The following DCPS variants were observed in gnomAD, a reference collection of about 807,000 sequenced individuals.
DCPS encodes m7GpppX diphosphatase.
In DCPS, 27 loss-of-function variants were observed where a neutral mutation model predicts 34.7. The observed-to-expected ratio is 0.78, with a 90% CI of 0.57 to 1.07. The LOEUF (loss-of-function observed/expected upper bound fraction) is 1.07. Ranked by LOEUF, DCPS falls within the 50% of genes least tolerant of loss-of-function variation. The probability of loss-of-function intolerance (pLI) is 0.00; values close to 1 mark genes in which losing one functional copy is unlikely to be tolerated. For synonymous variants in DCPS, 185 were observed against 185.7 expected (o/e 1.00, Z 0.03); for missense variants, 464 against 436.9 (o/e 1.06, Z -0.55).
Position 126,312,260 on chromosome 11 carries a change from A to G in DCPS, c.376+5516A>G, listed in dbSNP as rs1188627337. ...GTGAAACTTTAAACAATGCTTACCC[A>G]TCCGCTATGGCATACTCTGTAGTAT... is the stretch of plus-strand genomic sequence containing the variant. On this transcript the variant is annotated intron_variant, in intron 2 of 5. Coordinates refer to ENST00000263579, the MANE Select transcript of DCPS (RefSeq NM_014026.6). This position sits in a 1 kb window ranked among gnomAD's most constrained non-coding sequence, Gnocchi z 5.1. Among the ~76,000 whole-genome samples, 1 of 152,018 alleles carries G rather than the reference A, an allele frequency of 6.6e-6. No individual in the cohort carries two copies. Among genetic ancestry groups the G allele is most frequent in the Non-Finnish European group, 1.5e-5 (1 of 68,012 alleles).
In DCPS at chr11:126,331,234, G is replaced by A. The variant is rs1207474024; in HGVS notation, c.377-171G>A. 9.2e-5 allele frequency among the ~76,000 whole-genome samples: 14 copies of A among 152,170 alleles called. No individual in the cohort carries two copies. The highest frequency in any genetic ancestry group is 1.9e-4 in the Non-Finnish European group (13 of 68,024). On this transcript the variant is annotated intron_variant, in intron 2 of 5. Coordinates refer to ENST00000263579, the MANE Select transcript of DCPS (RefSeq NM_014026.6). The surrounding 1 kb of genome is among the most constrained non-coding windows in gnomAD (Gnocchi z 7.2). ...TCTGAGTGTGGCTCAGCTCGTGAAT[G>A]CAGTGGCACAAGGCACTCTGTGGGA...
chr11:126,339,547 T>C (rs990316031), intron 4 of DCPS, among the ~76,000 whole-genome samples: 3 of 152,234 alleles, frequency 2.0e-5, no homozygotes, highest in African/African-American at 7.2e-5. Flanking sequence ...TTCCCAAATG[T>C]GACCCAAGGG....
At chr11:126,304,807 T>C (rs1239900669) in intron 1 of DCPS, among the ~76,000 whole-genome samples, 2 of 152,198 alleles carry the variant, frequency 1.3e-5, no homozygotes, top group African/African-American at 2.4e-5. Flanking sequence ...AAAGTTACCA[T>C]CCCTGATCTT....
chr11:126,339,159 C>T (rs1951857889), intron 4 of DCPS, among the ~76,000 whole-genome samples: 1 of 152,230 alleles, frequency 6.6e-6, no homozygotes, highest in African/African-American at 2.4e-5. Context: ...CAGACTGGAA[C>T]CTGGCTGTGC....
rs1455706179 is a variant in DCPS, at chr11:126,315,555, G to C, written c.376+8811G>C. ...AACCTGGGTGGCAGAGCAAAACCCT[G>C]TCTCTTAAAAAAAAATAAAAAGAGA... On this transcript the variant is annotated intron_variant, in intron 2 of 5. Coordinates refer to ENST00000263579, the MANE Select transcript of DCPS (RefSeq NM_014026.6). This position sits in a 1 kb window ranked among gnomAD's most constrained non-coding sequence, Gnocchi z 6.1. Among the ~76,000 whole-genome samples the C allele has an allele frequency of 2.0e-5, 3 of 151,708 alleles. No homozygotes were observed. The highest frequency in any genetic ancestry group is 4.4e-5 in the Non-Finnish European group (3 of 67,962).
chr11:126,331,445 C>A lies in DCPS; in HGVS notation c.417C>A (p.His139Gln), dbSNP rs1202226122. 1.2e-6 allele frequency: 2 copies of A among 1,614,156 alleles called. No individual in the cohort carries two copies. The highest frequency in any genetic ancestry group is 1.7e-5 in the Admixed American group (1 of 60,012). The part of the protein sequence containing the change: ...TTVVYPATEK[H>Q]LQKYLRQDLR... ...TGGTTTACCCTGCCACAGAGAAACA[C>A]CTGCAGAAGTACCTGCGCCAGGACC... is the stretch of plus-strand genomic sequence containing the variant. Residue 139 changes from histidine (H) to glutamine (Q), a missense_variant, in exon 3 of 6, where the codon CAC becomes CAA. Coordinates refer to ENST00000263579, the MANE Select transcript of DCPS (RefSeq NM_014026.6). This position sits in a 1 kb window ranked among gnomAD's most constrained non-coding sequence, Gnocchi z 7.2.
intron 1 of DCPS, among the ~76,000 whole-genome samples, 185 bp from the exon 2 acceptor site, chr11:126,306,385 A>T (rs1951565832): frequency 6.6e-6 from 1 of 151,920 alleles, no homozygotes; most frequent in Non-Finnish European, 1.5e-5. Flanking sequence ...AAAAAAAAAG[A>T]TGCCTTCTCT....
In DCPS at chr11:126,329,280, A is replaced by G. The variant is rs1210595630; in HGVS notation, c.377-2125A>G. On this transcript the variant is annotated intron_variant, in intron 2 of 5. Transcript: ENST00000263579. The surrounding 1 kb of genome is among the most constrained non-coding windows in gnomAD (Gnocchi z 5.0). ...GCCTTCATGCCCCTTTTTCAGGGTCAGATCCGGGGATTCCCAGGATTGGGT... is the reference window on the plus strand; with the variant it reads ...GCCTTCATGCCCCTTTTTCAGGGTCGGATCCGGGGATTCCCAGGATTGGGT... Among the ~76,000 whole-genome samples the G allele has an allele frequency of 6.6e-6, 1 of 152,250 alleles. No individual in the cohort carries two copies. The highest frequency in any genetic ancestry group is 1.5e-5 in the Non-Finnish European group (1 of 68,046).
chr11:126,311,886 G>A (rs1189892811), intron 2 of DCPS, among the ~76,000 whole-genome samples: 1 of 152,194 alleles, frequency 6.6e-6, no homozygotes, highest in South Asian at 2.1e-4. Flanking sequence ...ATTACACATG[G>A]ACTAATAGAC....
Position 126,319,464 on chromosome 11 carries a change from G to C in DCPS, c.377-11941G>C, listed in dbSNP as rs904165668. On this transcript the variant is annotated intron_variant, in intron 2 of 5. Coordinates refer to ENST00000263579, the MANE Select transcript of DCPS (RefSeq NM_014026.6). This position sits in a 1 kb window ranked among gnomAD's most constrained non-coding sequence, Gnocchi z 4.5. ...GCAGCATTTGGCCACAGTATCCCCT[G>C]GTAAGGCTGTCCTCACACGGCTCTC... 2.6e-5 allele frequency among the ~76,000 whole-genome samples: 4 copies of C among 152,108 alleles called. No homozygotes were observed. The highest frequency in any genetic ancestry group is 9.7e-5 in the African/African-American group (4 of 41,426).
Position 126,347,714 on chromosome 11 carries a change from G to C in DCPS, c.*2101G>C, listed in dbSNP as rs1951949560. 6.6e-6 allele frequency among the ~76,000 whole-genome samples: 1 copy of C among 152,222 alleles called. No individual in the cohort carries two copies. The highest frequency in any genetic ancestry group is 2.4e-5 in the African/African-American group (1 of 41,466). ...TGGGCAGTGACACTGGCAGCTGCTG[G>C]GGTCTTGGCAGGAGGTTGGATGGAG... is the stretch of plus-strand genomic sequence containing the variant. On this transcript the variant is annotated 3_prime_UTR_variant, in exon 6 of 6. Transcript: ENST00000263579. The surrounding 1 kb of genome is among the most constrained non-coding windows in gnomAD (Gnocchi z 4.2).
chr11:126,330,717 ATATTTTTTTTTTTTT>A (rs1433473621), intron 2 of DCPS, among the ~76,000 whole-genome samples: 1 of 17,398 alleles, frequency 5.7e-5, no homozygotes, highest in Non-Finnish European at 9.3e-5. Flanking sequence ...ATATATATAT[ATATTTTTTTTTTTTT>A]TTTTTTTTTT....
At position 126,347,623 on chromosome 11, in the gene DCPS, G is replaced by T. The variant is rs572719758; in HGVS notation, c.*2010G>T. Among the ~76,000 whole-genome samples, 4 of 152,352 alleles carry T rather than the reference G, an allele frequency of 2.6e-5. No individual in the cohort carries two copies. In the East Asian group the frequency reaches 7.7e-4, roughly 29 times the overall value. On this transcript the variant is annotated 3_prime_UTR_variant, in exon 6 of 6. Transcript: ENST00000263579. The surrounding 1 kb of genome is among the most constrained non-coding windows in gnomAD (Gnocchi z 4.2). ...TGCAGGGAGGTCTGACAGAGAATCA[G>T]CAGGATCCATTTCATGGCCACCACA... is the stretch of plus-strand genomic sequence containing the variant.
chr11:126,321,433 A>G (rs1004584613), intron 2 of DCPS, among the ~76,000 whole-genome samples: 2 of 152,250 alleles, frequency 1.3e-5, no homozygotes, highest in Middle Eastern at 3.4e-3. Context: ...GCCCTTTCTC[A>G]TCCCCAGAAT....
chr11:126,339,767 G>A (rs1951863129), intron 4 of DCPS, among the ~76,000 whole-genome samples: 1 of 152,192 alleles, frequency 6.6e-6, no homozygotes, highest in Non-Finnish European at 1.5e-5. Flanking sequence ...GACTGGCTCT[G>A]TAGGCATTTG....
At chr11:126,311,482 G>T (rs1389369862) in intron 2 of DCPS, among the ~76,000 whole-genome samples, 1 of 152,228 alleles carries the variant, frequency 6.6e-6, no homozygotes, top group Non-Finnish European at 1.5e-5. Flanking sequence ...AAACAAGGAA[G>T]CAGATGTCTG....
intron 2 of DCPS, among the ~76,000 whole-genome samples, chr11:126,326,571 TA>T (rs1391642632): frequency 6.6e-6 from 1 of 152,004 alleles, no homozygotes; most frequent in African/African-American, 2.4e-5. Context: ...ATTTTCCTAC[TA>T]AAAAAAATTC....
At position 126,322,480 on chromosome 11, in the gene DCPS, T is replaced by A. The variant is rs1335005390; in HGVS notation, c.377-8925T>A. Among the ~76,000 whole-genome samples, 1 of 151,902 alleles carries A rather than the reference T, an allele frequency of 6.6e-6. No homozygotes were observed. The highest frequency in any genetic ancestry group is 1.5e-5 in the Non-Finnish European group (1 of 67,986). On this transcript the variant is annotated intron_variant, in intron 2 of 5. Coordinates refer to ENST00000263579, the MANE Select transcript of DCPS (RefSeq NM_014026.6). This position sits in a 1 kb window ranked among gnomAD's most constrained non-coding sequence, Gnocchi z 4.2. ...GGTTTCGCCATGTTGGCCAAGTTGGTCTTGAACTCCTGACCTCAGGTGATC... is the reference window on the plus strand; with the variant it reads ...GGTTTCGCCATGTTGGCCAAGTTGGACTTGAACTCCTGACCTCAGGTGATC...
chr11:126,345,940 C>T lies in DCPS; in HGVS notation c.*327C>T, dbSNP rs1951923316. 6.6e-6 allele frequency among the ~76,000 whole-genome samples: 1 copy of T among 152,086 alleles called. No homozygotes were observed. The highest frequency in any genetic ancestry group is 2.4e-5 in the African/African-American group (1 of 41,392). The stretch of plus-strand genomic sequence containing the variant: ...AGGGCTCACCGTCCGTGGTGGCTTC[C>T]TTCTCCCCACTCTGTGCCTCTCCTG... On this transcript the variant is annotated 3_prime_UTR_variant, in exon 6 of 6. Transcript: ENST00000263579. This position sits in a 1 kb window ranked among gnomAD's most constrained non-coding sequence, Gnocchi z 7.4.
Sources: gnomAD v4.1 joint callset for allele counts (sites outside exome capture counted in the v4.1 genomes callset) on GRCh38, gnomAD v4.1.1 for gene constraint, Gnocchi (gnomAD v3.1) non-coding constraint, MANE v1.5 for transcripts, NCBI Gene and HGNC (gene_info 2026-07-23, HGNC 2026-07-21) for gene names.